KMT2E: variants seen among roughly 807,000 people sequenced by gnomAD.
KMT2E encodes the protein histone reader KMT2E.
KMT2E carries 30 observed loss-of-function variants against 184.6 expected under a neutral mutation model. The observed-to-expected ratio is 0.16, with a 90% confidence interval of 0.12 to 0.22. KMT2E has a LOEUF of 0.22. KMT2E is among the 10% of genes least tolerant of loss of function. The probability of loss-of-function intolerance (pLI) is 1.00; values close to 1 mark genes in which losing one functional copy is unlikely to be tolerated. For missense variants in KMT2E, 2,023 were observed against 2,237.4 expected (o/e 0.90, Z 1.93); for synonymous variants, 815 against 776.5 (o/e 1.05, Z -0.82).
At chr7:105,042,181 G>C (rs923455705) in intron 3 of KMT2E, among the ~76,000 whole-genome samples, 1 of 152,036 alleles carries the variant, frequency 6.6e-6, no homozygotes, top group Non-Finnish European at 1.5e-5. Flanking sequence ...AGTAGAGACA[G>C]GGTTTCACCA....
intron 13 of KMT2E, among the ~76,000 whole-genome samples, chr7:105,087,284 G>T (rs961613629): frequency 3.5e-5 from 5 of 143,868 alleles, no homozygotes; most frequent in African/African-American, 1.0e-4. Flanking sequence ...ATATAAATAT[G>T]ATATAATATA....
chr7:105,107,110 A>G (rs1354173051), intron 20 of KMT2E, 56 bp from the exon 21 acceptor site: 3 of 909,942 alleles, frequency 3.3e-6, no homozygotes, highest in African/African-American at 1.7e-5. Flanking sequence ...TATAATTATT[A>G]TGGATATACT....
intron 1 of KMT2E, among the ~76,000 whole-genome samples, chr7:105,024,018 TATG>T (rs1416125554): frequency 3.3e-5 from 5 of 152,318 alleles, no homozygotes; most frequent in African/African-American, 1.2e-4. Context: ...TTCATTACAT[TATG>T]ATAATACTCA....
At chr7:105,092,824 G>A (rs149423350) in intron 15 of KMT2E, among the ~76,000 whole-genome samples, 108 of 152,240 alleles carry the variant, frequency 7.1e-4, no homozygotes, top group African/African-American at 2.5e-3. Flanking sequence ...TGTGTGGCAT[G>A]TGTCTGGTGG....
chr7:105,079,687 G>A (rs1323762759), intron 12 of KMT2E, among the ~76,000 whole-genome samples: 1 of 150,470 alleles, frequency 6.6e-6, no homozygotes, highest in Non-Finnish European at 1.5e-5. Flanking sequence ...ACCATGCCCA[G>A]CTAATTTTTT....
chr7:105,038,781 A>G (rs539657502), intron 2 of KMT2E, among the ~76,000 whole-genome samples: 1 of 152,284 alleles, frequency 6.6e-6, no homozygotes, highest in African/African-American at 2.4e-5. Context: ...ATTTTATTAA[A>G]TATCAACAAC....
At position 105,113,187 on chromosome 7, in the gene KMT2E, T is replaced by G. The variant is rs771365709; in HGVS notation, c.5431T>G (p.Phe1811Val). ...NSIPTPTASG[F>V]CPHPGSVALP... ...TATTCCAACACCTACTGCTTCAGGG[T>G]TCTGTCCTCATCCTGGCTCTGTGGC... The change falls in exon 27 of 27, where the codon TTC (phenylalanine) becomes GTC (valine). Residue 1811 changes from phenylalanine to valine, a missense_variant. Phe to Val is a conservative substitution (Grantham distance 50). Around this residue, in one of 8 missense-constraint regions of KMT2E, gnomAD observed 1,108 missense variants for 1,050.9 expected, o/e 1.05. Transcript: ENST00000311117. The G allele has an allele frequency of 6.2e-7, 1 of 1,614,084 alleles. No homozygotes were observed. The highest frequency in any genetic ancestry group is 1.3e-5 in the African/African-American group (1 of 74,934).
chr7:105,019,723 A>G (rs1023956621), intron 1 of KMT2E, among the ~76,000 whole-genome samples: 9 of 152,208 alleles, frequency 5.9e-5, no homozygotes, highest in African/African-American at 2.2e-4. Context: ...GGACAGAGGT[A>G]ATTTCTTAGC....
At position 105,107,786 on chromosome 7, in the gene KMT2E, A is replaced by G; in HGVS notation, c.3329A>G (p.Asp1110Gly). 2 of 1,614,138 alleles carry G rather than the reference A, an allele frequency of 1.2e-6. No homozygotes were observed. Among genetic ancestry groups the G allele is most frequent in the Non-Finnish European group, 1.7e-6 (2 of 1,180,006 alleles). ...RISESKCLMQ[D>G]DTRGMFMETT... ...AGTGAGTCAAAGTGCCTGATGCAGGATGATACTAGAGGCATGTTTATGGAA... is the reference window on the plus strand; with the variant it reads ...AGTGAGTCAAAGTGCCTGATGCAGGGTGATACTAGAGGCATGTTTATGGAA... The change falls in exon 22 of 27, where the codon GAT becomes GGT. Residue 1110 changes from aspartate (D) to glycine (G), a missense_variant. By Grantham distance (94) the Asp-to-Gly change is moderately conservative. Around this residue, in one of 8 missense-constraint regions of KMT2E, gnomAD observed 1,108 missense variants for 1,050.9 expected, o/e 1.05. Transcript: ENST00000311117.
chr7:105,047,932 G>A (rs1300585540), intron 3 of KMT2E, among the ~76,000 whole-genome samples: 1 of 152,178 alleles, frequency 6.6e-6, no homozygotes, highest in East Asian at 1.9e-4. Flanking sequence ...CATTCCCAAG[G>A]ATTCTAAGAG....
intron 3 of KMT2E, among the ~76,000 whole-genome samples, chr7:105,048,329 G>A (rs1203603677): frequency 6.6e-6 from 1 of 152,082 alleles, no homozygotes; most frequent in Non-Finnish European, 1.5e-5. Flanking sequence ...GAGCCCCTGT[G>A]CCTGGCCAAA....
intron 5 of KMT2E, chr7:105,063,893 A>G: frequency 4.4e-6 from 2 of 455,818 alleles, no homozygotes; most frequent in Admixed American, 5.5e-5. Context: ...AAATGAGAGA[A>G]TTTAGTCTTT....
chr7:105,072,202 C>T (rs909560275), intron 6 of KMT2E, among the ~76,000 whole-genome samples: 1 of 152,064 alleles, frequency 6.6e-6, no homozygotes, highest in African/African-American at 2.4e-5. Flanking sequence ...CCTGTCGTCC[C>T]AGCTACTTGG....
chr7:105,030,580 C>G (rs541027197), intron 1 of KMT2E, among the ~76,000 whole-genome samples: 61 of 152,298 alleles, frequency 4.0e-4, no homozygotes, highest in Non-Finnish European at 8.2e-4. Context: ...AAACTAGTGG[C>G]TTTTGAAGTA....
At chr7:105,033,614 T>G (rs374741501) in intron 1 of KMT2E, among the ~76,000 whole-genome samples, 9 of 152,216 alleles carry the variant, frequency 5.9e-5, no homozygotes, top group African/African-American at 1.9e-4. Context: ...TTCTTCGGCC[T>G]CAGCCTCCTG....
At chr7:105,111,420 A>C (rs1799266012) in intron 26 of KMT2E, among the ~76,000 whole-genome samples, 1 of 152,050 alleles carries the variant, frequency 6.6e-6, no homozygotes, top group South Asian at 2.1e-4. Flanking sequence ...GGTTTGAGGG[A>C]GCAAGTTCAT....
In KMT2E at chr7:105,107,552, C is replaced by T; in HGVS notation, c.3095C>T (p.Pro1032Leu). 6.2e-7 allele frequency: 1 copy of T among 1,614,084 alleles called. No individual in the cohort carries two copies. Among genetic ancestry groups the T allele is most frequent in the South Asian group, 1.1e-5 (1 of 91,072 alleles). The change falls in exon 22 of 27, where the codon CCA becomes CTA. Residue 1032 changes from proline to leucine, a missense_variant. Pro to Leu is a moderately conservative substitution (Grantham distance 98). Around this residue, in one of 8 missense-constraint regions of KMT2E, gnomAD observed 1,108 missense variants for 1,050.9 expected, o/e 1.05. Coordinates refer to ENST00000311117, the MANE Select transcript of KMT2E (RefSeq NM_182931.3). The part of the protein sequence containing the change: ...DLQLGLDAVE[P>L]TALHKTLETP... ...CAGCTAGGACTCGATGCAGTTGAGC[C>T]AACTGCCCTACATAAAACCCTGGAA...
At chr7:105,041,754 G>T (rs1200183803) in intron 3 of KMT2E, among the ~76,000 whole-genome samples, 4 of 152,096 alleles carry the variant, frequency 2.6e-5, no homozygotes, top group African/African-American at 7.2e-5. Context: ...AAAATATTTT[G>T]TATATAATGA....
rs367996803 is a variant in KMT2E, at chr7:105,062,306, A to G, written c.186+28A>G. 50 of 1,465,162 alleles carry G rather than the reference A, an allele frequency of 3.4e-5. No individual in the cohort carries two copies. The African/African-American group carries it at 5.7e-4, about 17-fold the overall frequency. 90.8% of individuals were successfully genotyped at this position (1,465,162 alleles called of 1,614,324 possible). A position where few individuals can be genotyped will look rare whatever the true frequency, so the allele number is the denominator to read the frequency against. On this transcript the variant is annotated intron_variant, in intron 4 of 26. Coordinates refer to ENST00000311117, the MANE Select transcript of KMT2E (RefSeq NM_182931.3). ...AAGTGTTAAACACTTCTTTGAAAAA[A>G]CATTTTTAAATTTAGAGATTGAAAG...
Sources: gnomAD v4.1 joint callset for allele counts (sites outside exome capture counted in the v4.1 genomes callset) on GRCh38, gnomAD v4.1.1 for gene constraint, gnomAD v4.1.1 regional missense constraint, MANE v1.5 for transcripts, NCBI Gene and HGNC (gene_info 2026-07-23, HGNC 2026-07-21) for gene names.